Variants in DYNLT2B observed in about 807,000 individuals in gnomAD.
The protein encoded by DYNLT2B is dynein light chain Tctex-type 2B.
A neutral mutation model predicts 19.5 loss-of-function variants in DYNLT2B; 14 were observed. The observed-to-expected ratio is 0.72, with a 90% confidence interval of 0.47 to 1.12. The LOEUF is 1.12. DYNLT2B is among the 50% of genes most tolerant of loss of function. DYNLT2B has a pLI of 0.00. For synonymous variants in DYNLT2B, 70 were observed against 59.7 expected, an observed-to-expected ratio of 1.17 and a Z score of -0.79; for missense variants, 133 against 174.7, an observed-to-expected ratio of 0.76 and a Z score of 1.35.
At chr3:196,295,835 T>C (rs1726208654) in intron 4 of DYNLT2B, among the ~76,000 whole-genome samples, 171 bp downstream of exon 4, 1 of 152,232 alleles carries the variant, frequency 6.6e-6, no homozygotes, top group Non-Finnish European at 1.5e-5. Context: ...TAAGCAGCAC[T>C]CTAGGTTTCT....
At chr3:196,304,904 C>G (rs1577390067) in intron 3 of DYNLT2B, among the ~76,000 whole-genome samples, 2 of 152,184 alleles carry the variant, frequency 1.3e-5, no homozygotes, top group South Asian at 4.2e-4. Context: ...CTATCTGAGG[C>G]AGGGTCTCAC....
At position 196,291,333 on chromosome 3, in the gene DYNLT2B, G is replaced by A; in HGVS notation, c.423C>T (p.Tyr141=). The change falls in exon 5 of 5, where the codon TAC becomes TAT. Residue 141 remains tyrosine, a synonymous_variant. Coordinates refer to ENST00000325318, the MANE Select transcript of DYNLT2B (RefSeq NM_152773.5). The part of the protein sequence containing the change: ...FCVVAAFGCF[Y]Y The stretch of plus-strand genomic sequence containing the variant: ...CAGCTTTTCAAAGATTCATTCAGTA[G>A]TAGAAACAGCCAAATGCTGCTACAA... 4 of 1,611,312 alleles carry A rather than the reference G, an allele frequency of 2.5e-6. No individual in the cohort carries two copies. The highest frequency in any genetic ancestry group is 3.4e-6 in the Non-Finnish European group (4 of 1,178,974).
Position 196,318,155 on chromosome 3 carries a change from C to G in DYNLT2B, c.-3G>C. On this transcript the variant is annotated 5_prime_UTR_variant, in exon 1 of 5. Transcript: ENST00000325318. ...GACACTCCGATGGACGTGGCCATGC[C>G]GGGGCTTCTCGGTCCGGGCGTAGCT... 6.7e-7 allele frequency: 1 copy of G among 1,502,522 alleles called. No individual in the cohort carries two copies. Among genetic ancestry groups the G allele is most frequent in the Non-Finnish European group, 8.9e-7 (1 of 1,129,214 alleles). The allele number at this position is 1,502,522 out of a possible 1,614,324, so 93.1% of individuals were successfully genotyped here. A position where few individuals can be genotyped will look rare whatever the true frequency, so the allele number is the denominator to read the frequency against.
At chr3:196,312,847 A>G (rs775266143) in intron 2 of DYNLT2B, among the ~76,000 whole-genome samples, 22 of 152,156 alleles carry the variant, frequency 1.4e-4, no homozygotes, top group Admixed American at 1.3e-4. Flanking sequence ...TCCTTTCTGA[A>G]AACAACTTAC....
At chr3:196,307,046 A>G in intron 2 of DYNLT2B, 34 bp from the exon 3 acceptor site, 2 of 1,585,552 alleles carry the variant, frequency 1.3e-6, no homozygotes, top group South Asian at 1.1e-5. Flanking sequence ...TTATAAGCAA[A>G]TATGTAGTAA....
intron 1 of DYNLT2B, 55 bp downstream of exon 1, chr3:196,317,985 G>T: frequency 8.9e-7 from 1 of 1,117,922 alleles, no homozygotes; most frequent in Non-Finnish European, 1.2e-6. Context: ...GGCGAGCTCC[G>T]CCCCTCAGAC....
chr3:196,305,136 AGCT>A, intron 3 of DYNLT2B, among the ~76,000 whole-genome samples: 1 of 152,204 alleles, frequency 6.6e-6, no homozygotes, highest in South Asian at 2.1e-4. Context: ...CTCCTGCCTC[AGCT>A]TCCCAAAGTG....
At chr3:196,293,557 C>T (rs1276028764) in intron 4 of DYNLT2B, among the ~76,000 whole-genome samples, 1 of 150,478 alleles carries the variant, frequency 6.6e-6, no homozygotes, top group Non-Finnish European at 1.5e-5. Flanking sequence ...ACCTGGGAGG[C>T]AGAGGTTGCA....
In DYNLT2B at chr3:196,318,177, A is replaced by T; in HGVS notation, c.-25T>A. 7.2e-7 allele frequency: 1 copy of T among 1,397,194 alleles called. No homozygotes were observed. Among genetic ancestry groups the T allele is most frequent in the Non-Finnish European group, 9.5e-7 (1 of 1,048,754 alleles). The allele number at this position is 1,397,194 out of a possible 1,614,324, so 86.5% of individuals were successfully genotyped here. A position where few individuals can be genotyped will look rare whatever the true frequency, so the allele number is the denominator to read the frequency against. On this transcript the variant is annotated 5_prime_UTR_variant, in exon 1 of 5. Coordinates refer to ENST00000325318, the MANE Select transcript of DYNLT2B (RefSeq NM_152773.5). Reference sequence around the variant, plus strand: ...TGCCGGGGCTTCTCGGTCCGGGCGTAGCTCGCGATGAAGGCCTAGCGGGTT... The same window carrying T: ...TGCCGGGGCTTCTCGGTCCGGGCGTTGCTCGCGATGAAGGCCTAGCGGGTT...
chr3:196,312,925 G>A (rs1726679858), intron 2 of DYNLT2B, among the ~76,000 whole-genome samples: 1 of 152,098 alleles, frequency 6.6e-6, no homozygotes, highest in South Asian at 2.1e-4. Flanking sequence ...GCTGAGGCAG[G>A]AGAATCACTT....
chr3:196,302,905 C>T (rs377174452), intron 3 of DYNLT2B, among the ~76,000 whole-genome samples: 149 of 151,576 alleles, frequency 9.8e-4, no homozygotes, highest in African/African-American at 3.1e-3. Context: ...AAAACAAAGA[C>T]GGTAACAGCC....
intron 4 of DYNLT2B, among the ~76,000 whole-genome samples, chr3:196,294,988 T>C (rs1307288948): frequency 6.6e-6 from 1 of 151,976 alleles, no homozygotes; most frequent in Non-Finnish European, 1.5e-5. Flanking sequence ...GTGATCCACA[T>C]GCCTCGGCCT....
Position 196,293,966 on chromosome 3 carries a change from A to G in DYNLT2B, c.381+2040T>C, listed in dbSNP as rs556397468. Among the ~76,000 whole-genome samples, 34 of 151,872 alleles carry G rather than the reference A, an allele frequency of 2.2e-4. No homozygotes were observed. In the East Asian group the frequency reaches 4.3e-3, roughly 19 times the overall value. On this transcript the variant is annotated intron_variant, in intron 4 of 4. Transcript: ENST00000325318. ...CAAAAAAAACCATCTTCTTAGCTTG[A>G]CTATTCCCCCAAAGATAGCTGATAA... is the stretch of plus-strand genomic sequence containing the variant.
intron 3 of DYNLT2B, among the ~76,000 whole-genome samples, chr3:196,297,547 T>C (rs1459822665): frequency 1.3e-5 from 2 of 151,510 alleles, no homozygotes; most frequent in African/African-American, 4.8e-5. Flanking sequence ...TAAATAATAA[T>C]AATAAGTGAA....
In DYNLT2B at chr3:196,318,158, G is replaced by C; in HGVS notation, c.-6C>G. The C allele has an allele frequency of 6.7e-7, 1 of 1,501,472 alleles. No homozygotes were observed. Among genetic ancestry groups the C allele is most frequent in the South Asian group, 1.2e-5 (1 of 80,696 alleles). 93.0% of individuals were successfully genotyped at this position (1,501,472 alleles called of 1,614,324 possible). A position where few individuals can be genotyped will look rare whatever the true frequency, so the allele number is the denominator to read the frequency against. ...ACTCCGATGGACGTGGCCATGCCGG[G>C]GCTTCTCGGTCCGGGCGTAGCTCGC... On this transcript the variant is annotated 5_prime_UTR_variant, in exon 1 of 5. Transcript: ENST00000325318.
chr3:196,300,945 G>GGCTCATGC (rs1289775394), intron 3 of DYNLT2B, among the ~76,000 whole-genome samples: 4 of 151,592 alleles, frequency 2.6e-5, no homozygotes, highest in Non-Finnish European at 5.9e-5. Context: ...TACGGTCCCA[G>GGCTCATGC]CTACTTGGGA....
chr3:196,314,369 G>A (rs192847029), intron 2 of DYNLT2B, among the ~76,000 whole-genome samples: 421 of 150,550 alleles, frequency 2.8e-3, no homozygotes, highest in African/African-American at 9.8e-3. Context: ...AGGCTGAGGC[G>A]GGAGGATCAC....
At chr3:196,306,788 G>T (rs536011148) in intron 3 of DYNLT2B, among the ~76,000 whole-genome samples, 155 bp downstream of exon 3, 1 of 152,004 alleles carries the variant, frequency 6.6e-6, no homozygotes, top group South Asian at 2.1e-4. Context: ...TGATCCACCC[G>T]CCTCAGCCTC....
chr3:196,301,312 C>T (rs1206234159), intron 3 of DYNLT2B, among the ~76,000 whole-genome samples: 1 of 152,124 alleles, frequency 6.6e-6, no homozygotes, highest in Non-Finnish European at 1.5e-5. Flanking sequence ...AAGATTCAAA[C>T]TAGGCATGCC....
Sources: gnomAD v4.1 joint callset for allele counts (sites outside exome capture counted in the v4.1 genomes callset) on GRCh38, gnomAD v4.1.1 for gene constraint, MANE v1.5 for transcripts, NCBI Gene and HGNC (gene_info 2026-07-23, HGNC 2026-07-21) for gene names.